Variants in ARHGAP32 observed in about 807,000 individuals in gnomAD.
The protein encoded by ARHGAP32 is Rho GTPase activating protein 32.
Under a neutral mutation model 186.5 loss-of-function variants are expected in ARHGAP32, and 51 were observed. The observed-to-expected ratio is 0.27, with a 90% confidence interval of 0.22 to 0.35. ARHGAP32 has a LOEUF of 0.35. ARHGAP32 is among the 10% of genes least tolerant of loss of function. The pLI is 1.00. For missense variants in ARHGAP32, 2,186 were observed against 2,623.5 expected (o/e 0.83, Z 3.64); for synonymous variants, 950 against 964.3 (o/e 0.99, Z 0.27).
At chr11:129,044,940 C>A (rs618400) in intron 10 of ARHGAP32, among the ~76,000 whole-genome samples, 97,097 of 151,826 alleles carry the variant, frequency 0.64, 31,384 homozygotes, top group Middle Eastern at 0.71. Context: ...ACAAAGAGAG[C>A]TTAATGCACT....
chr11:129,263,313 A>G (rs1288788908), intron 1 of ARHGAP32, among the ~76,000 whole-genome samples: 1 of 152,218 alleles, frequency 6.6e-6, no homozygotes, highest in African/African-American at 2.4e-5. Context: ...AATGGGAGAA[A>G]GTATTTGAAA....
intron 20 of ARHGAP32, among the ~76,000 whole-genome samples, chr11:128,976,344 C>T (rs1026499872): frequency 1.3e-5 from 2 of 152,008 alleles, no homozygotes; most frequent in African/African-American, 4.8e-5. Context: ...TTTATGTAAA[C>T]TGAATAGCAG....
At chr11:129,120,143 A>T (rs536521331) in intron 5 of ARHGAP32, among the ~76,000 whole-genome samples, 105 of 152,106 alleles carry the variant, frequency 6.9e-4, no homozygotes, top group Non-Finnish European at 9.6e-4. Context: ...GCAGAGAAGC[A>T]GGTGGGCATG....
rs1362834721 is a variant in ARHGAP32 at position 128,974,058 on chromosome 11, C to G, written c.3073+66G>C. The G allele has an allele frequency of 2.6e-6, 4 of 1,552,606 alleles. No homozygotes were observed. The East Asian group carries it at 9.0e-5, about 35-fold the overall frequency. On this transcript the variant is annotated intron_variant, in intron 21 of 22. Transcript: ENST00000682385. ...GGACAAATTTCTCTCTTAAAAGGCA[C>G]AGATGGCACACAGGATTGAAGATCC...
intron 6 of ARHGAP32, among the ~76,000 whole-genome samples, chr11:129,082,784 A>G (rs560076073): frequency 6.6e-6 from 1 of 152,048 alleles, no homozygotes; most frequent in South Asian, 2.1e-4. Flanking sequence ...AGAGTATACA[A>G]ACAACCCACA....
chr11:129,249,126 G>A (rs1475481718), intron 1 of ARHGAP32, among the ~76,000 whole-genome samples: 1 of 151,894 alleles, frequency 6.6e-6, no homozygotes, highest in African/African-American at 2.4e-5. Flanking sequence ...AATTCATTAA[G>A]AACAGCACAA....
intron 6 of ARHGAP32, among the ~76,000 whole-genome samples, chr11:129,070,247 C>T (rs775102363): frequency 1.3e-5 from 2 of 151,940 alleles, no homozygotes; most frequent in African/African-American, 2.4e-5. Flanking sequence ...AAATAATCCA[C>T]GTAAGGTGCT....
intron 2 of ARHGAP32, among the ~76,000 whole-genome samples, chr11:129,133,047 G>A (rs1437081162): frequency 5.3e-5 from 8 of 152,176 alleles, no homozygotes; most frequent in East Asian, 1.9e-4. Flanking sequence ...CATGACTGGC[G>A]AGGCCTCAGG....
chr11:129,185,269 G>A lies in ARHGAP32; in HGVS notation c.116+6814C>T, dbSNP rs538794360. ...CATATACACCACGGAATACTATGCA[G>A]CCATAAAAAATGATGAGGTCATGTC... is the stretch of plus-strand genomic sequence containing the variant. On this transcript the variant is annotated intron_variant, in intron 1 of 22. Transcript: ENST00000682385. Among the ~76,000 whole-genome samples, 38 of 152,294 alleles carry A rather than the reference G, an allele frequency of 2.5e-4. 1 individual carries two copies. Among genetic ancestry groups the A allele is most frequent in the African/African-American group, 9.1e-4 (38 of 41,570 alleles).
At chr11:129,276,962 T>C (rs1382252485) in intron 1 of ARHGAP32, among the ~76,000 whole-genome samples, 1 of 152,234 alleles carries the variant, frequency 6.6e-6, no homozygotes, top group Non-Finnish European at 1.5e-5. Flanking sequence ...GACATTGGAC[T>C]TCACAATCAT....
chr11:128,992,828 A>T (rs1023559191), intron 12 of ARHGAP32, among the ~76,000 whole-genome samples: 1 of 152,162 alleles, frequency 6.6e-6, no homozygotes, highest in African/African-American at 2.4e-5. Context: ...TAAATGACAA[A>T]TCAGTATAAT....
chr11:129,182,381 G>A (rs182783346), intron 1 of ARHGAP32, among the ~76,000 whole-genome samples: 1 of 151,976 alleles, frequency 6.6e-6, no homozygotes, highest in South Asian at 2.1e-4. Flanking sequence ...TGTATATCAA[G>A]GAGATTAATC....
rs754202336 is a variant in ARHGAP32, at chr11:128,969,289, T to C, written c.5924A>G (p.Lys1975Arg). 1.2e-6 allele frequency: 2 copies of C among 1,614,166 alleles called. No individual in the cohort carries two copies. The highest frequency in any genetic ancestry group is 1.1e-5 in the South Asian group (1 of 91,078). Reference sequence around the variant, plus strand: ...CTCCTTGTAGCAGTCTCTGGAGTGTTTCTCTGGGGCAGAAGGCTGCCTAAC... The same window carrying C: ...CTCCTTGTAGCAGTCTCTGGAGTGTCTCTCTGGGGCAGAAGGCTGCCTAAC... ...PWVRQPSAPE[K>R]HSRDCYKEEE... is the part of the protein sequence containing the mutation. Residue 1975 changes from lysine to arginine, a missense_variant, in exon 23 of 23, where the codon AAA (lysine) becomes AGA (arginine). Transcript: ENST00000682385. This position sits in a 1 kb window ranked among gnomAD's most constrained non-coding sequence, Gnocchi z 4.8.
rs565501327 is a variant in ARHGAP32 at position 129,036,375 on chromosome 11, C to T, written c.1045+4553G>A. On this transcript the variant is annotated intron_variant, in intron 11 of 22. Coordinates refer to ENST00000682385, the MANE Select transcript of ARHGAP32 (RefSeq NM_001378024.1). ...AGCCTGGGCAACAAGAGCGAAACTC[C>T]GTCTCAAAAAAAAAAAAAAAAAAAA... Among the ~76,000 whole-genome samples, 368 of 92,106 alleles carry T rather than the reference C, an allele frequency of 4.0e-3. 3 individuals are homozygous for T. Among genetic ancestry groups the T allele is most frequent in the African/African-American group, 0.015 (328 of 21,516 alleles). 60.4% of individuals were successfully genotyped at this position (92,106 alleles called of 152,430 possible). A position where few individuals can be genotyped will look rare whatever the true frequency, so the allele number is the denominator to read the frequency against.
At chr11:129,193,927 C>A (rs992389863), upstream of ARHGAP32, among the ~76,000 whole-genome samples, 10 of 149,528 alleles carry the variant, frequency 6.7e-5, no homozygotes, top group East Asian at 2.0e-3. Context: ...ACTTCTAAGA[C>A]CCAAGAGCTC....
intron 2 of ARHGAP32, among the ~76,000 whole-genome samples, chr11:129,147,281 T>C (rs1037188324): frequency 5.3e-5 from 8 of 152,202 alleles, no homozygotes; most frequent in Non-Finnish European, 1.0e-4. Context: ...TCACTGTGGA[T>C]TCCAGAAGTG....
chr11:129,156,564 G>A (rs1943412540), intron 2 of ARHGAP32, among the ~76,000 whole-genome samples: 1 of 152,208 alleles, frequency 6.6e-6, no homozygotes, highest in Non-Finnish European at 1.5e-5. Flanking sequence ...TGTAAGAAAG[G>A]CAGCAGCCCC....
chr11:129,198,850 A>G (rs1171072035), intron 1 of ARHGAP32, among the ~76,000 whole-genome samples: 1 of 152,262 alleles, frequency 6.6e-6, no homozygotes, highest in Non-Finnish European at 1.5e-5. Context: ...AGAAGAAGAA[A>G]GAAAAATGTG....
intron 11 of ARHGAP32, among the ~76,000 whole-genome samples, chr11:129,001,681 T>C (rs1946362428): frequency 2.6e-5 from 4 of 152,220 alleles, no homozygotes; most frequent in Non-Finnish European, 4.4e-5. Context: ...CAACAAATCT[T>C]TGCCCCCTCT....
Sources: gnomAD v4.1 joint callset for allele counts (sites outside exome capture counted in the v4.1 genomes callset) on GRCh38, gnomAD v4.1.1 for gene constraint, Gnocchi (gnomAD v3.1) non-coding constraint, MANE v1.5 for transcripts, NCBI Gene and HGNC (gene_info 2026-07-23, HGNC 2026-07-21) for gene names.